Variants in LYRM4 observed in about 807,000 individuals in gnomAD.
LYRM4 encodes the protein LYR motif containing 4, also known as LYR motif-containing protein 4.
In LYRM4, 9 loss-of-function variants were observed where a neutral mutation model predicts 11.7. The ratio of observed to expected loss-of-function variants is 0.77; its 90% CI spans 0.46 to 1.34. The LOEUF is 1.34. LYRM4 is among the 40% of genes most tolerant of loss of function. The pLI, the probability that LYRM4 is intolerant of heterozygous loss-of-function variation, is 0.00. For missense variants in LYRM4, 133 were observed against 112.5 expected, an observed-to-expected ratio of 1.18 and a Z score of -0.82; for synonymous variants, 42 against 40.4, an observed-to-expected ratio of 1.04 and a Z score of -0.15.
At position 5,232,894 on chromosome 6, in the gene LYRM4, T is replaced by C. The variant is rs1277943535; in HGVS notation, c.87-16156A>G. ...GAATCAACAAACAGCAGCTTCCCTG[T>C]GGGTGTTTAGCATCCATGTGAATGT... On this transcript the variant is annotated intron_variant, in intron 1 of 2. Transcript: ENST00000330636. Among the ~76,000 whole-genome samples, 4 of 152,224 alleles carry C rather than the reference T, an allele frequency of 2.6e-5. No individual in the cohort carries two copies. In the East Asian group the frequency reaches 5.8e-4, roughly 22 times the overall value.
Position 5,146,659 on chromosome 6 carries a change from C to T in LYRM4, c.208-37168G>A, listed in dbSNP as rs148622376. 5.3e-3 allele frequency among the ~76,000 whole-genome samples: 801 copies of T among 152,286 alleles called. 8 individuals are homozygous for T. Among genetic ancestry groups the T allele is most frequent in the African/African-American group, 0.018 (764 of 41,552 alleles). On this transcript the variant is annotated intron_variant, in intron 2 of 2. Transcript: ENST00000330636. ...TGACGTTAGGCAGTTGTGGTGGGGCCCAGCTACCTGTCCAGTGAACAGCTT... is the reference window on the plus strand; with the variant it reads ...TGACGTTAGGCAGTTGTGGTGGGGCTCAGCTACCTGTCCAGTGAACAGCTT...
At chr6:5,201,298 T>C (rs1370036861) in intron 2 of LYRM4, among the ~76,000 whole-genome samples, 1 of 152,176 alleles carries the variant, frequency 6.6e-6, no homozygotes, top group African/African-American at 2.4e-5. Flanking sequence ...CACTGCTTGC[T>C]AGTCCTGGCA....
At chr6:5,140,452 TATA>T (rs1561823391) in intron 2 of LYRM4, among the ~76,000 whole-genome samples, 2 of 152,220 alleles carry the variant, frequency 1.3e-5, no homozygotes, top group Non-Finnish European at 2.9e-5. Context: ...TTTAAACCTG[TATA>T]ATGAGTATTT....
intron 2 of LYRM4, among the ~76,000 whole-genome samples, chr6:5,128,342 G>T (rs1486482817): frequency 6.6e-6 from 1 of 152,216 alleles, no homozygotes; most frequent in Admixed American, 6.5e-5. Flanking sequence ...GCTGTACACA[G>T]GGGTGATATG....
intron 1 of LYRM4, among the ~76,000 whole-genome samples, chr6:5,224,183 C>A (rs1156292307): frequency 6.6e-6 from 1 of 152,168 alleles, no homozygotes; most frequent in Non-Finnish European, 1.5e-5. Context: ...ATATTAATAT[C>A]CTTAGAATAC....
At chr6:5,129,931 G>GC (rs1763873213) in intron 2 of LYRM4, among the ~76,000 whole-genome samples, 1 of 152,212 alleles carries the variant, frequency 6.6e-6, no homozygotes, top group Admixed American at 6.5e-5. Context: ...ATGGACGGGT[G>GC]GGAAGGCAGC....
In LYRM4 at chr6:5,248,669, G is replaced by A. The variant is rs1217847861; in HGVS notation, c.86+11979C>T. Reference sequence around the variant, plus strand: ...TTCACAGCTCAGGTCAGCCACCACTGCTTTCTTCAGCTCCGATCCCCTTTC... The same window carrying A: ...TTCACAGCTCAGGTCAGCCACCACTACTTTCTTCAGCTCCGATCCCCTTTC... On this transcript the variant is annotated intron_variant, in intron 1 of 2. Transcript: ENST00000330636. Among the ~76,000 whole-genome samples the A allele has an allele frequency of 5.3e-5, 8 of 152,326 alleles. No homozygotes were observed. The South Asian group carries it at 1.7e-3, about 32-fold the overall frequency.
chr6:5,115,471 G>T (rs1043528721), intron 2 of LYRM4, among the ~76,000 whole-genome samples: 2 of 152,196 alleles, frequency 1.3e-5, no homozygotes, highest in African/African-American at 4.8e-5. Context: ...TTCTCCTGTT[G>T]TGTGGCCCTC....
chr6:5,041,579 A>G, the LYRM4 span, among the ~76,000 whole-genome samples: 4 of 152,200 alleles, frequency 2.6e-5, no homozygotes, highest in Admixed American at 2.0e-4. Context: ...TAATGGGCCC[A>G]TGTTTCGTCT....
chr6:5,170,115 G>T (rs927431167), intron 2 of LYRM4, among the ~76,000 whole-genome samples: 7 of 152,198 alleles, frequency 4.6e-5, no homozygotes, highest in Admixed American at 4.6e-4. Context: ...GGCTGAAGAG[G>T]TTATGGGATT....
At chr6:5,239,177 A>G (rs1763721267) in intron 1 of LYRM4, among the ~76,000 whole-genome samples, 1 of 152,180 alleles carries the variant, frequency 6.6e-6, no homozygotes, top group Non-Finnish European at 1.5e-5. Context: ...GTGAGACATA[A>G]AGAAGGTCCG....
chr6:5,117,553 A>C (rs895581975), intron 2 of LYRM4, among the ~76,000 whole-genome samples: 3 of 152,206 alleles, frequency 2.0e-5, no homozygotes, highest in African/African-American at 7.2e-5. Flanking sequence ...CTCAAAAAAA[A>C]AAAAAAATTG....
intron 1 of LYRM4, among the ~76,000 whole-genome samples, chr6:5,239,671 A>C (rs1295864938): frequency 6.6e-6 from 1 of 152,192 alleles, no homozygotes; most frequent in Non-Finnish European, 1.5e-5. Flanking sequence ...GGAAGGTGGC[A>C]GGCCAGACTG....
chr6:5,223,568 T>TA (rs1301602811), intron 1 of LYRM4, among the ~76,000 whole-genome samples: 1 of 151,996 alleles, frequency 6.6e-6, no homozygotes, highest in African/African-American at 2.4e-5. Flanking sequence ...GAACAGGCAT[T>TA]AAAAAAAATT....
chr6:5,082,867 C>T, the LYRM4 span, among the ~76,000 whole-genome samples: 2 of 152,226 alleles, frequency 1.3e-5, no homozygotes, highest in South Asian at 4.1e-4. Flanking sequence ...CCTGACACTC[C>T]CTCCAACAGA....
chr6:5,069,294 T>G, the LYRM4 span, among the ~76,000 whole-genome samples: 8 of 151,904 alleles, frequency 5.3e-5, no homozygotes, highest in Non-Finnish European at 1.0e-4. Flanking sequence ...CGTACTCTAT[T>G]AGAAATTAAA....
At chr6:5,037,009 A>ATTTTTTTTTTTTTTT in the LYRM4 span, among the ~76,000 whole-genome samples, 17 of 28,720 alleles carry the variant, frequency 5.9e-4, 1 homozygote, top group African/African-American at 1.9e-3. Context: ...TTTAGCTTGT[A>ATTTTTTTTTTTTTTT]TTTTTTTTTT....
chr6:5,148,995 T>C (rs975360699), intron 2 of LYRM4, among the ~76,000 whole-genome samples: 1 of 152,216 alleles, frequency 6.6e-6, no homozygotes, highest in Non-Finnish European at 1.5e-5. Context: ...ATTTTAAAAC[T>C]GTACTTTAAA....
rs374343579 is a variant in LYRM4 at position 5,198,856 on chromosome 6, A to G, written c.207+17762T>C. ...TTCATGTATAAAAGGTATATCTTAC[A>G]CCACTCATACCCACTAGGATGGCTA... is the stretch of plus-strand genomic sequence containing the variant. On this transcript the variant is annotated intron_variant, in intron 2 of 2. Coordinates refer to ENST00000330636, the MANE Select transcript of LYRM4 (RefSeq NM_020408.6). 2.8e-4 allele frequency among the ~76,000 whole-genome samples: 42 copies of G among 152,336 alleles called. No individual in the cohort carries two copies. In the South Asian group the frequency reaches 7.9e-3, roughly 29 times the overall value.
Sources: allele counts gnomAD v4.1 joint callset (sites outside exome capture counted in the v4.1 genomes callset), GRCh38; gene constraint gnomAD v4.1.1; transcripts MANE v1.5; gene names NCBI Gene and HGNC (gene_info 2026-07-23, HGNC 2026-07-21).